Variants in DOCK3 observed in about 807,000 individuals in gnomAD.
DOCK3 encodes the protein dedicator of cytokinesis 3, also known as dedicator of cytokinesis protein 3.
A neutral mutation model predicts 265.6 loss-of-function variants in DOCK3; 60 were observed. The ratio of observed to expected loss-of-function variants is 0.23; its 90% CI spans 0.18 to 0.28. The LOEUF (loss-of-function observed/expected upper bound fraction) is 0.28, where lower values mean the gene tolerates loss of function less well. DOCK3 is among the 10% of genes least tolerant of loss of function. The pLI is 1.00. For synonymous variants in DOCK3, 881 were observed against 938.0 expected, an observed-to-expected ratio of 0.94 and a Z score of 1.11; for missense variants, 1,981 against 2,594.3, an observed-to-expected ratio of 0.76 and a Z score of 5.14.
chr3:51,191,814 G>T (rs2087964701), intron 12 of DOCK3, among the ~76,000 whole-genome samples: 1 of 151,732 alleles, frequency 6.6e-6, no homozygotes, highest in African/African-American at 2.4e-5. Context: ...AAAACTCTTT[G>T]CCCACTTTTA....
At chr3:51,130,721 G>T (rs539225835) in intron 9 of DOCK3, among the ~76,000 whole-genome samples, 1 of 152,236 alleles carries the variant, frequency 6.6e-6, no homozygotes, top group African/African-American at 2.4e-5. Context: ...TTGTTTGTTT[G>T]TTTTGAGACA....
intron 40 of DOCK3, among the ~76,000 whole-genome samples, chr3:51,352,594 G>A (rs1212532592): frequency 6.6e-6 from 1 of 152,202 alleles, no homozygotes; most frequent in Non-Finnish European, 1.5e-5. Flanking sequence ...CCCATCAATC[G>A]ATTCCCATCT....
In DOCK3 at chr3:51,236,275, C is replaced by A. The variant is rs769942087; in HGVS notation, c.1918-70C>A. The A allele has an allele frequency of 6.4e-4, 738 of 1,148,748 alleles. 4 individuals are homozygous for A. Among genetic ancestry groups the A allele is most frequent in the Non-Finnish European group, 9.0e-4 (693 of 768,790 alleles). The allele number at this position is 1,148,748 out of a possible 1,614,324, so 71.2% of individuals were successfully genotyped here. ...TCACTTTTTTATTGGAAGTTAAATT[C>A]ATTGATTTATGGAAGTTTGTGCGTG... On this transcript the variant is annotated intron_variant, in intron 19 of 52. Coordinates refer to ENST00000266037, the MANE Select transcript of DOCK3 (RefSeq NM_004947.5).
intron 49 of DOCK3, among the ~76,000 whole-genome samples, chr3:51,373,227 C>T (rs2087824809): frequency 2.0e-5 from 3 of 152,170 alleles, no homozygotes. Context: ...ACTGCACACT[C>T]AAAGGAAAGC....
At chr3:51,248,031 C>T (rs939707992) in intron 22 of DOCK3, among the ~76,000 whole-genome samples, 19 of 152,210 alleles carry the variant, frequency 1.2e-4, no homozygotes, top group Non-Finnish European at 2.5e-4. Flanking sequence ...AAAAATCATT[C>T]GTTTAATCAT....
At chr3:51,167,545 G>A (rs1237219167) in intron 12 of DOCK3, among the ~76,000 whole-genome samples, 3 of 151,844 alleles carry the variant, frequency 2.0e-5, no homozygotes, top group African/African-American at 7.3e-5. Flanking sequence ...GGTATTATAT[G>A]GATATTTTGA....
chr3:50,795,327 A>C (rs1280229210), intron 2 of DOCK3, among the ~76,000 whole-genome samples: 2 of 152,076 alleles, frequency 1.3e-5, no homozygotes, highest in Non-Finnish European at 2.9e-5. Context: ...TATGTTTTTC[A>C]AGTTTCTTAC....
intron 33 of DOCK3, among the ~76,000 whole-genome samples, chr3:51,330,726 T>A (rs2084462207): frequency 2.0e-5 from 3 of 152,214 alleles, no homozygotes; most frequent in Non-Finnish European, 4.4e-5. Flanking sequence ...CTGAATGATG[T>A]CAGGGTTCTT....
chr3:50,874,423 T>G (rs1395672457), intron 3 of DOCK3, among the ~76,000 whole-genome samples: 1 of 152,018 alleles, frequency 6.6e-6, no homozygotes, highest in Non-Finnish European at 1.5e-5. Flanking sequence ...GGAGGATCCC[T>G]TGAGCCTAGG....
intron 38 of DOCK3, among the ~76,000 whole-genome samples, chr3:51,342,403 C>G (rs1408327619): frequency 1.3e-5 from 2 of 152,198 alleles, no homozygotes; most frequent in Non-Finnish European, 2.9e-5. Flanking sequence ...GCAACTGATC[C>G]ACAATGCTGA....
chr3:50,680,772 G>C (rs985366633), intron 1 of DOCK3, among the ~76,000 whole-genome samples: 1 of 151,686 alleles, frequency 6.6e-6, no homozygotes, highest in African/African-American at 2.4e-5. Context: ...GGGGAGTGGC[G>C]GGTTTACAGG....
intron 2 of DOCK3, among the ~76,000 whole-genome samples, chr3:50,820,445 T>C (rs1161120261): frequency 6.6e-6 from 1 of 152,250 alleles, no homozygotes; most frequent in Non-Finnish European, 1.5e-5. Context: ...GTTCCTGTGT[T>C]AATTTGTTTA....
chr3:50,954,059 T>G (rs1315151685), intron 5 of DOCK3, among the ~76,000 whole-genome samples: 1 of 152,114 alleles, frequency 6.6e-6, no homozygotes, highest in African/African-American at 2.4e-5. Context: ...CTCTAGAATT[T>G]TTTTTCATTT....
At chr3:51,309,053 T>C (rs1455500232) in intron 27 of DOCK3, among the ~76,000 whole-genome samples, 2 of 149,422 alleles carry the variant, frequency 1.3e-5, no homozygotes, top group Non-Finnish European at 3.0e-5. Flanking sequence ...GCTTCTCACT[T>C]CCTAGATGGG....
At chr3:50,882,400 G>T (rs2048092039) in intron 3 of DOCK3, among the ~76,000 whole-genome samples, 4 of 151,946 alleles carry the variant, frequency 2.6e-5, no homozygotes, top group African/African-American at 7.3e-5. Context: ...AATCTACAAA[G>T]AACTTAAACA....
chr3:51,215,484 C>T (rs1404719689), intron 14 of DOCK3, among the ~76,000 whole-genome samples: 3 of 152,124 alleles, frequency 2.0e-5, no homozygotes, highest in African/African-American at 4.8e-5. Flanking sequence ...TTGTAAAGGG[C>T]CAGGCCAGAC....
chr3:50,947,181 TTATTTA>T (rs1435104306), intron 5 of DOCK3, among the ~76,000 whole-genome samples: 4 of 152,142 alleles, frequency 2.6e-5, no homozygotes, highest in Non-Finnish European at 5.9e-5. Flanking sequence ...GATTCTCAAA[TTATTTA>T]TATAAATATA....
chr3:50,948,568 TTTCTC>T (rs1386710380), intron 5 of DOCK3, among the ~76,000 whole-genome samples: 1 of 151,738 alleles, frequency 6.6e-6, no homozygotes, highest in African/African-American at 2.4e-5. Flanking sequence ...TTTCTTTTCT[TTTCTC>T]TTCTTTTTCT....
At chr3:51,092,788 C>T (rs972719719) in intron 9 of DOCK3, among the ~76,000 whole-genome samples, 2 of 152,184 alleles carry the variant, frequency 1.3e-5, no homozygotes, top group African/African-American at 4.8e-5. Flanking sequence ...GGCAGTTGCC[C>T]CTCTGGGACG....
Sources: allele counts gnomAD v4.1 joint callset (sites outside exome capture counted in the v4.1 genomes callset), GRCh38; gene constraint gnomAD v4.1.1; transcripts MANE v1.5; gene names NCBI Gene and HGNC (gene_info 2026-07-23, HGNC 2026-07-21).